The following HIF3A variants were observed in gnomAD, a reference collection of about 807,000 sequenced individuals.
HIF3A encodes the protein hypoxia inducible factor 3 subunit alpha.
Under a neutral mutation model 67.2 loss-of-function variants are expected in HIF3A, and 41 were observed. The observed-to-expected ratio is 0.61, with a 90% CI of 0.48 to 0.79. The LOEUF (loss-of-function observed/expected upper bound fraction) is 0.79. Among genes scored for constraint, HIF3A ranks in the 30% least tolerant of loss-of-function variants. HIF3A has a pLI of 0.00. For missense variants in HIF3A, 855 were observed against 898.0 expected (o/e 0.95, Z 0.61); for synonymous variants, 356 against 374.8 (o/e 0.95, Z 0.58).
chr19:46,305,170 G>T, intron 2 of HIF3A, 75 bp from the exon 3 acceptor site: 1 of 1,605,110 alleles, frequency 6.2e-7, no homozygotes, highest in African/African-American at 1.3e-5. Context: ...GCAGAGGGAG[G>T]CTAGCCCAGG....
chr19:46,308,177 G>A (rs749413267), intron 3 of HIF3A, 44 bp from the exon 4 acceptor site: 5 of 1,251,728 alleles, frequency 4.0e-6, no homozygotes, highest in Non-Finnish European at 5.9e-6. Flanking sequence ...GGAGGAGATG[G>A]GTCAGAAGCC....
At chr19:46,335,303 CTT>C (rs1971533021) in intron 14 of HIF3A, among the ~76,000 whole-genome samples, 1 of 149,744 alleles carries the variant, frequency 6.7e-6, no homozygotes, top group East Asian at 1.9e-4. Flanking sequence ...AAGTCTCACT[CTT>C]GTCGCCCAGG....
Position 46,319,670 on chromosome 19 carries a change from C to G in HIF3A, c.1026-773C>G, listed in dbSNP as rs967809448. Among the ~76,000 whole-genome samples, 25 of 152,050 alleles carry G rather than the reference C, an allele frequency of 1.6e-4. 1 individual carries two copies. The highest frequency in any genetic ancestry group is 3.5e-4 in the Non-Finnish European group (24 of 68,008). On this transcript the variant is annotated intron_variant, in intron 8 of 14. Coordinates refer to ENST00000377670, the MANE Select transcript of HIF3A (RefSeq NM_152795.4). ...TAAAAATATATTTTTTCATCAATACCTTTCTAAGAATATGTTTATAAGTAA... is the reference window on the plus strand; with the variant it reads ...TAAAAATATATTTTTTCATCAATACGTTTCTAAGAATATGTTTATAAGTAA...
rs1427083483 is a variant in HIF3A, at chr19:46,329,481, G to A, written c.1712+3G>A. 2.0e-6 allele frequency: 3 copies of A among 1,509,082 alleles called. No individual in the cohort carries two copies. Among genetic ancestry groups the A allele is most frequent in the Admixed American group, 4.5e-5 (2 of 44,722 alleles). 93.5% of individuals were successfully genotyped at this position (1,509,082 alleles called of 1,614,324 possible). On this transcript the variant is annotated splice_donor_region_variant and intron_variant, in intron 12 of 14. Transcript: ENST00000377670. ...CCCATGGCTGGGGCTCGGAAGAGGT[G>A]AGCCACAGTAAAGGGGGGACATCAA...
Position 46,308,663 on chromosome 19 carries a change from C to A in HIF3A, c.449C>A (p.Thr150Asn). 6.3e-7 allele frequency: 1 copy of A among 1,596,094 alleles called. No individual in the cohort carries two copies. Among genetic ancestry groups the A allele is most frequent in the East Asian group, 2.3e-5 (1 of 44,326 alleles). ...ELQDALTPQQTLSRRKVEAPT... is the reference protein window; with the variant it reads ...ELQDALTPQQNLSRRKVEAPT... ...CCCCGCTGCCCCCGGGCCTCCCCAG[C>A]CCTGTCCAGGAGGAAGGTGGAGGCC... The change falls in exon 5 of 15, where the codon ACC becomes AAC. Residue 150 changes from threonine (T) to asparagine (N), a missense_variant and splice_region_variant. Thr to Asn is a moderately conservative substitution (Grantham distance 65). Coordinates refer to ENST00000377670, the MANE Select transcript of HIF3A (RefSeq NM_152795.4).
At chr19:46,298,463 C>T (rs769749668) in intron 1 of HIF3A, 234 of 1,288,070 alleles carry the variant, frequency 1.8e-4, no homozygotes, top group Non-Finnish European at 2.3e-4. Flanking sequence ...TGCACCGCAT[C>T]CCCTCCTGCA....
At chr19:46,337,390 A>G (rs1393899389) in intron 14 of HIF3A, among the ~76,000 whole-genome samples, 1 of 151,952 alleles carries the variant, frequency 6.6e-6, no homozygotes, top group Non-Finnish European at 1.5e-5. Flanking sequence ...AGCTGGGACT[A>G]CACTTGTAGC....
intron 4 of HIF3A, 170 bp downstream of exon 4, chr19:46,308,475 G>T (rs1048679440): frequency 4.4e-5 from 28 of 635,502 alleles, no homozygotes; most frequent in African/African-American, 3.5e-4. Context: ...CCCTGGGGGG[G>T]TCTGAGGGGA....
In HIF3A at chr19:46,304,089, G is replaced by A. The variant is rs1353981967; in HGVS notation, c.217+1G>A. On this transcript the variant is annotated splice_donor_variant, in intron 2 of 14. Transcript: ENST00000377670. LOFTEE classifies it high-confidence loss of function. ...CGCATGCACCGCCTCTGCGCCGCAG[G>A]TGAGCCCCGCCCGCGGGAATTCCCG... 1.3e-6 allele frequency: 2 copies of A among 1,557,788 alleles called. No individual in the cohort carries two copies. Among genetic ancestry groups the A allele is most frequent in the Non-Finnish European group, 1.7e-6 (2 of 1,153,232 alleles).
intron 12 of HIF3A, among the ~76,000 whole-genome samples, chr19:46,329,976 AGATAG>A (rs1432533119): frequency 1.4e-4 from 19 of 136,460 alleles, no homozygotes; most frequent in South Asian, 2.5e-4. Context: ...AAAAAAAAAA[AGATAG>A]AGAGAGAGAG....
chr19:46,338,147 G>A, intron 14 of HIF3A: 1 of 453,314 alleles, frequency 2.2e-6, no homozygotes, highest in Non-Finnish European at 4.4e-6. Context: ...TCACTGCTGT[G>A]TCTCTAGCAC....
rs143835409 is a variant in HIF3A, at chr19:46,335,043, G to A, written c.1912+57G>A. ...GAGCACCTTCTCCCCCGGGAGGTGC[G>A]AGAGGGATGGAGCCATTCCAAAGGT... is the stretch of plus-strand genomic sequence containing the variant. On this transcript the variant is annotated intron_variant, in intron 14 of 14. Transcript: ENST00000377670. 6,375 of 1,376,838 alleles carry A rather than the reference G, an allele frequency of 4.6e-3. 39 individuals carry two copies. The highest frequency in any genetic ancestry group is 0.014 in the Middle Eastern group (79 of 5,552). The allele number at this position is 1,376,838 out of a possible 1,614,324, so 85.3% of individuals were successfully genotyped here.
At chr19:46,298,776 C>A (rs1260679029) in intron 1 of HIF3A, among the ~76,000 whole-genome samples, 2 of 152,146 alleles carry the variant, frequency 1.3e-5, no homozygotes, top group Non-Finnish European at 2.9e-5. Context: ...CTTTGCAAAC[C>A]CAAACCCTGC....
chr19:46,327,609 C>G (rs1970884424), intron 11 of HIF3A, among the ~76,000 whole-genome samples: 3 of 152,108 alleles, frequency 2.0e-5, no homozygotes. Context: ...TGGCATGGTT[C>G]TCCAGACTGC....
In HIF3A at chr19:46,313,246, G is replaced by A. The variant is rs1002963119; in HGVS notation, c.1025+593G>A. On this transcript the variant is annotated intron_variant, in intron 8 of 14. Coordinates refer to ENST00000377670, the MANE Select transcript of HIF3A (RefSeq NM_152795.4). ...GGCCTCGGCAACAGAGCGAGACTCT[G>A]TCTCAAACAAACAAACAAACAAACA... 11 of 655,424 alleles carry A rather than the reference G, an allele frequency of 1.7e-5. No individual in the cohort carries two copies. In the Admixed American group the frequency reaches 4.9e-4, roughly 29 times the overall value. 40.6% of individuals were successfully genotyped at this position (655,424 alleles called of 1,614,324 possible).
At chr19:46,303,780 CAGCCGCGGCCCAGCACTCCACG>C (rs1968547829) in intron 1 of HIF3A, 96 bp from the exon 2 acceptor site, 1 of 1,492,676 alleles carries the variant, frequency 6.7e-7, no homozygotes, top group African/African-American at 1.4e-5. Flanking sequence ...GAGGCCTGCG[CAGCCGCGGCCCAGCACTCCACG>C]AGCCCCGGCC....
chr19:46,333,958 A>ATT (rs554256971), intron 13 of HIF3A, among the ~76,000 whole-genome samples: 1 of 149,854 alleles, frequency 6.7e-6, no homozygotes, highest in African/African-American at 2.5e-5. Flanking sequence ...ACGCCTGGTT[A>ATT]TTTTTTTTGT....
At chr19:46,336,085 C>CTTTTTTTT (rs1017798750) in intron 14 of HIF3A, among the ~76,000 whole-genome samples, 5 of 79,396 alleles carry the variant, frequency 6.3e-5, no homozygotes, top group Non-Finnish European at 1.1e-4. Context: ...CTCTCTCTCT[C>CTTTTTTTT]TTTTTTTTTT....
intron 1 of HIF3A, chr19:46,303,609 G>A: frequency 3.2e-6 from 5 of 1,562,196 alleles, no homozygotes; most frequent in Non-Finnish European, 3.5e-6. Context: ...AGATAAGTCA[G>A]GGAGGGGACA....
Sources: gnomAD v4.1 joint callset for allele counts (sites outside exome capture counted in the v4.1 genomes callset) on GRCh38, gnomAD v4.1.1 for gene constraint, MANE v1.5 for transcripts, NCBI Gene and HGNC (gene_info 2026-07-23, HGNC 2026-07-21) for gene names.